The following CSRNP2 variants were observed in gnomAD, a reference collection of about 807,000 sequenced individuals.
The protein encoded by CSRNP2 is cysteine/serine-rich nuclear protein 2.
Under a neutral mutation model 36.6 loss-of-function variants are expected in CSRNP2, and 11 were observed. That is an observed-to-expected ratio of 0.30 (90% CI 0.19 to 0.50). The LOEUF (loss-of-function observed/expected upper bound fraction) is 0.50, where lower values mean the gene tolerates loss of function less well. Among genes scored for constraint, CSRNP2 ranks in the 20% least tolerant of loss-of-function variants. The pLI, the probability that CSRNP2 is intolerant of heterozygous loss-of-function variation, is 0.98. For missense variants in CSRNP2, 483 were observed against 691.4 expected, an observed-to-expected ratio of 0.70 and a Z score of 3.38; for synonymous variants, 248 against 275.3, an observed-to-expected ratio of 0.90 and a Z score of 0.98.
chr12:51,076,399 C>G lies in CSRNP2; in HGVS notation c.151+12G>C. 6.2e-7 allele frequency: 1 copy of G among 1,613,610 alleles called. No individual in the cohort carries two copies. Among genetic ancestry groups the G allele is most frequent in the South Asian group, 1.1e-5 (1 of 91,038 alleles). On this transcript the variant is annotated intron_variant, in intron 2 of 4. Coordinates refer to ENST00000228515, the MANE Select transcript of CSRNP2 (RefSeq NM_030809.3). ...AATGTGGGTATAGGCAGGGACGGAG[C>G]AGCTTACTCACGTGTGAAGCTGGCA...
chr12:51,082,743 T>C (rs764653597), intron 1 of CSRNP2: 1 of 152,172 alleles, frequency 6.6e-6, no homozygotes, highest in African/African-American at 2.4e-5. Context: ...TGCTTTCATT[T>C]TCCCACACGA....
Position 51,063,740 on chromosome 12 carries a change from C to A in CSRNP2, c.*6G>T. On this transcript the variant is annotated 3_prime_UTR_variant, in exon 5 of 5. Coordinates refer to ENST00000228515, the MANE Select transcript of CSRNP2 (RefSeq NM_030809.3). The stretch of plus-strand genomic sequence containing the variant: ...AATGGGTAAGAGGCAGGACCTCTAG[C>A]GCCTGTCACACTGCCAGAGGGAGTT... The A allele has an allele frequency of 6.5e-7, 1 of 1,531,478 alleles. No homozygotes were observed. Among genetic ancestry groups the A allele is most frequent in the South Asian group, 1.3e-5 (1 of 78,662 alleles). 94.9% of individuals were successfully genotyped at this position (1,531,478 alleles called of 1,614,324 possible).
rs1229973340 is a variant in CSRNP2 at position 51,061,976 on chromosome 12, C to T, written c.*1770G>A. ...CGAGAGCTCAGGTACTTAAAAGACT[C>T]TCAACTGTGTTTTGTGAGGCTAGGG... is the stretch of plus-strand genomic sequence containing the variant. On this transcript the variant is annotated 3_prime_UTR_variant, in exon 5 of 5. Coordinates refer to ENST00000228515, the MANE Select transcript of CSRNP2 (RefSeq NM_030809.3). The T allele has an allele frequency of 6.6e-6, 1 of 152,180 alleles. No homozygotes were observed. Among genetic ancestry groups the T allele is most frequent in the Non-Finnish European group, 1.5e-5 (1 of 68,046 alleles). 9.4% of individuals were successfully genotyped at this position (152,180 alleles called of 1,614,324 possible).
At chr12:51,072,332 G>C (rs1043580067) in intron 3 of CSRNP2, among the ~76,000 whole-genome samples, 2 of 151,948 alleles carry the variant, frequency 1.3e-5, no homozygotes, top group African/African-American at 4.8e-5. Flanking sequence ...GGCTGAGGTG[G>C]GCAGATCACG....
intron 3 of CSRNP2, among the ~76,000 whole-genome samples, chr12:51,069,007 G>A (rs186695208): frequency 7.9e-5 from 12 of 152,058 alleles, no homozygotes; most frequent in African/African-American, 1.4e-4. Context: ...ACGGAGTCTC[G>A]CTCTGTCGCC....
chr12:51,071,911 A>T (rs1248433866), intron 3 of CSRNP2, among the ~76,000 whole-genome samples: 1 of 152,182 alleles, frequency 6.6e-6, no homozygotes, highest in Non-Finnish European at 1.5e-5. Context: ...TTCCTCAGAC[A>T]GAGGAAAGGG....
intron 1 of CSRNP2, among the ~76,000 whole-genome samples, chr12:51,077,560 G>A (rs1429717853): frequency 3.3e-5 from 5 of 152,158 alleles, no homozygotes; most frequent in Non-Finnish European, 5.9e-5. Context: ...GACATTAGCA[G>A]TCAGGAAAAC....
Position 51,073,873 on chromosome 12 carries a change from T to A in CSRNP2, c.361A>T (p.Ile121Phe). 6.2e-7 allele frequency: 1 copy of A among 1,614,102 alleles called. No individual in the cohort carries two copies. Among genetic ancestry groups the A allele is most frequent in the Non-Finnish European group, 8.5e-7 (1 of 1,180,014 alleles). ...AQEQEVNHRE[I>F]LREHLKEEKL... ...TCTTCCTTCAGGTGCTCACGCAGAATCTCTCGATGGTTCACCTCCTGTTCC... is the reference window on the plus strand; with the variant it reads ...TCTTCCTTCAGGTGCTCACGCAGAAACTCTCGATGGTTCACCTCCTGTTCC... The change falls in exon 3 of 5, where the codon ATT becomes TTT. Residue 121 changes from isoleucine (I) to phenylalanine (F), a missense_variant. This residue lies in a region of CSRNP2 where 206 missense variants were observed against 367.8 expected (regional missense o/e 0.56). Transcript: ENST00000228515.
At chr12:51,070,301 G>T (rs1046526651) in intron 3 of CSRNP2, among the ~76,000 whole-genome samples, 19 of 152,158 alleles carry the variant, frequency 1.2e-4, no homozygotes, top group African/African-American at 3.4e-4. Context: ...TGTGGGGGAG[G>T]TGGTAGAGAA....
Position 51,062,429 on chromosome 12 carries a change from T to C in CSRNP2, c.*1317A>G, listed in dbSNP as rs1937670321. 6.6e-6 allele frequency: 1 copy of C among 152,238 alleles called. No homozygotes were observed. Among genetic ancestry groups the C allele is most frequent in the Non-Finnish European group, 1.5e-5 (1 of 68,052 alleles). 9.4% of individuals were successfully genotyped at this position (152,238 alleles called of 1,614,324 possible). ...ATGAAAGGAAATCAGTGCTGTTCAATGGAGATCTTAGAACACAGGATGAAC... is the reference window on the plus strand; with the variant it reads ...ATGAAAGGAAATCAGTGCTGTTCAACGGAGATCTTAGAACACAGGATGAAC... On this transcript the variant is annotated 3_prime_UTR_variant, in exon 5 of 5. Transcript: ENST00000228515.
intron 2 of CSRNP2, among the ~76,000 whole-genome samples, chr12:51,074,996 C>T (rs943597734): frequency 3.3e-5 from 5 of 152,100 alleles, no homozygotes; most frequent in African/African-American, 4.8e-5. Flanking sequence ...ACCTGGGAGA[C>T]GGAGGTTGCA....
intron 3 of CSRNP2, among the ~76,000 whole-genome samples, chr12:51,070,541 G>T (rs1939060488): frequency 6.6e-6 from 1 of 152,160 alleles, no homozygotes; most frequent in South Asian, 2.1e-4. Flanking sequence ...TATCGAGATA[G>T]AAGTGGCATT....
At position 51,063,635 on chromosome 12, in the gene CSRNP2, A is replaced by G. The variant is rs971283083; in HGVS notation, c.*111T>C. 3 of 877,802 alleles carry G rather than the reference A, an allele frequency of 3.4e-6. No homozygotes were observed. The highest frequency in any genetic ancestry group is 3.4e-6 in the Non-Finnish European group (2 of 596,440). 54.4% of individuals were successfully genotyped at this position (877,802 alleles called of 1,614,324 possible). A position where few individuals can be genotyped will look rare whatever the true frequency, so the allele number is the denominator to read the frequency against. ...TCCCACCCATTCCCCAAAGACCCCA[A>G]TAAAATAACATGGGAGCAGCAGCTG... On this transcript the variant is annotated 3_prime_UTR_variant, in exon 5 of 5. Coordinates refer to ENST00000228515, the MANE Select transcript of CSRNP2 (RefSeq NM_030809.3).
rs1443563809 is a variant in CSRNP2, at chr12:51,076,581, T to C, written c.-20A>G. The C allele has an allele frequency of 1.2e-6, 2 of 1,613,516 alleles. No individual in the cohort carries two copies. Among genetic ancestry groups the C allele is most frequent in the East Asian group, 2.2e-5 (1 of 44,870 alleles). On this transcript the variant is annotated 5_prime_UTR_variant, in exon 2 of 5. Transcript: ENST00000228515. ...ATCCATTGGTTTCAAAGGGGTTTCC[T>C]TGGGGAGCCCACCAAGTTGGCCCCA...
chr12:51,066,297 AC>A (rs1276656887), intron 4 of CSRNP2, among the ~76,000 whole-genome samples: 1 of 151,920 alleles, frequency 6.6e-6, no homozygotes, highest in African/African-American at 2.4e-5. Context: ...TACTAAAAAT[AC>A]AAAAATTAGC....
Position 51,073,839 on chromosome 12 carries a change from T to C in CSRNP2, c.395A>G (p.His132Arg). Residue 132 changes from histidine to arginine, a missense_variant, in exon 3 of 5, where the codon CAT becomes CGT. This residue lies in a region of CSRNP2 where 206 missense variants were observed against 367.8 expected (regional missense o/e 0.56). Coordinates refer to ENST00000228515, the MANE Select transcript of CSRNP2 (RefSeq NM_030809.3). Reference sequence around the variant, plus strand: ...CTTAGGCACCTTCATTTTCTTGGCATGGAGTTTCTCTTCCTTCAGGTGCTC... The same window carrying C: ...CTTAGGCACCTTCATTTTCTTGGCACGGAGTTTCTCTTCCTTCAGGTGCTC... ...LREHLKEEKLHAKKMKLTKNG... is the reference protein window; with the variant it reads ...LREHLKEEKLRAKKMKLTKNG... 1 of 1,613,824 alleles carries C rather than the reference T, an allele frequency of 6.2e-7. No homozygotes were observed. Among genetic ancestry groups the C allele is most frequent in the Non-Finnish European group, 8.5e-7 (1 of 1,179,926 alleles).
chr12:51,080,130 AGGCAGGCAGGCAGGC>A (rs1939579957), intron 1 of CSRNP2, among the ~76,000 whole-genome samples: 1 of 1,568 alleles, frequency 6.4e-4, no homozygotes, highest in Non-Finnish European at 0.013. Context: ...GAAGGCAAGC[AGGCAGGCAGGCAGGC>A]AGGCAGGCAG....
Position 51,074,093 on chromosome 12 carries a change from A to G in CSRNP2, c.152-11T>C. On this transcript the variant is annotated splice_polypyrimidine_tract_variant and intron_variant, in intron 2 of 4. Coordinates refer to ENST00000228515, the MANE Select transcript of CSRNP2 (RefSeq NM_030809.3). Reference sequence around the variant, plus strand: ...TCAGGATGGATGTGGCTGAGAAGGGAGCACAGAGAGATGTTTTATTTATTT... The same window carrying G: ...TCAGGATGGATGTGGCTGAGAAGGGGGCACAGAGAGATGTTTTATTTATTT... 6.2e-7 allele frequency: 1 copy of G among 1,605,418 alleles called. No homozygotes were observed. Among genetic ancestry groups the G allele is most frequent in the South Asian group, 1.1e-5 (1 of 89,898 alleles).
chr12:51,072,123 A>G (rs997099690), intron 3 of CSRNP2, among the ~76,000 whole-genome samples: 1 of 152,178 alleles, frequency 6.6e-6, no homozygotes, highest in Non-Finnish European at 1.5e-5. Context: ...ACCTGTTTTA[A>G]TATGGGTCAG....
Sources: allele counts gnomAD v4.1 joint callset (sites outside exome capture counted in the v4.1 genomes callset), GRCh38; gene constraint gnomAD v4.1.1; regional missense constraint gnomAD v4.1.1; transcripts MANE v1.5; gene names NCBI Gene and HGNC (gene_info 2026-07-23, HGNC 2026-07-21).